RNF32: variants seen among roughly 807,000 people sequenced by gnomAD.
RNF32 encodes the protein ring finger protein 32.
In RNF32, 36 loss-of-function variants were observed where a neutral mutation model predicts 41.0. The observed-to-expected ratio is 0.88, with a 90% CI of 0.67 to 1.16. RNF32 has a LOEUF of 1.16. RNF32 is among the 50% of genes most tolerant of loss of function. The pLI, the probability that RNF32 is intolerant of heterozygous loss-of-function variation, is 0.00. For missense variants in RNF32, 413 were observed against 436.7 expected (o/e 0.95, Z 0.48); for synonymous variants, 154 against 160.9 (o/e 0.96, Z 0.32).
At chr7:156,675,969 G>A in intron 8 of RNF32, 106 bp downstream of exon 8, 1 of 1,183,592 alleles carries the variant, frequency 8.4e-7, no homozygotes, top group Non-Finnish European at 1.2e-6. Context: ...GGGGAGCCTA[G>A]GAGTGTCAGG....
chr7:156,640,264 G>A (rs1207659660), upstream of RNF32: 1 of 447,572 alleles, frequency 2.2e-6, no homozygotes. Flanking sequence ...GCGAAGGGGC[G>A]GTGCGCTCGA....
Position 156,675,773 on chromosome 7 carries a change from C to T in RNF32, c.762C>T (p.Cys254=), listed in dbSNP as rs1484399923. 6.2e-7 allele frequency: 1 copy of T among 1,614,052 alleles called. No homozygotes were observed. The part of the protein sequence containing the change: ...IEELFAEIDQ[C]LAINRSVLQQ... ...AGCTCTTTGCAGAAATCGATCAGTG[C>T]TTGGCCATAAATCGAAGTGTTCTTC... Residue 254 remains cysteine (C), a synonymous_variant, in exon 8 of 9, where the codon TGC becomes TGT. Transcript: ENST00000317955.
At chr7:156,671,191 A>G (rs1490954291) in intron 7 of RNF32, among the ~76,000 whole-genome samples, 1 of 152,224 alleles carries the variant, frequency 6.6e-6, no homozygotes, top group African/African-American at 2.4e-5. Context: ...TAAGAAACCA[A>G]TGGCAGGGCA....
intron 3 of RNF32, 87 bp from the exon 4 acceptor site, chr7:156,654,489 T>C: frequency 8.7e-7 from 1 of 1,150,510 alleles, no homozygotes; most frequent in Non-Finnish European, 1.2e-6. Flanking sequence ...CTTTAATCTT[T>C]GTTTGCAAAT....
rs142936732 is a variant in RNF32, at chr7:156,654,644, C to G, written c.343C>G (p.Gln115Glu). ...ATCAGATGAATGGGAGAAGGTGAAA[C>G]AGCGCTCTCTCCTGCAAGGGGACTC... ...LSSDEWEKVKQRSLLQGDSVQ... is the reference protein window; with the variant it reads ...LSSDEWEKVKERSLLQGDSVQ... The change falls in exon 4 of 9, where the codon CAG (glutamine) becomes GAG (glutamate). Residue 115 changes from glutamine (Q) to glutamate (E), a missense_variant. Physicochemically the swap from Gln to Glu is conservative, Grantham distance 29. Coordinates refer to ENST00000317955, the MANE Select transcript of RNF32 (RefSeq NM_030936.4). The G allele has an allele frequency of 1.2e-5, 19 of 1,613,886 alleles. No homozygotes were observed. Among genetic ancestry groups the G allele is most frequent in the Middle Eastern group, 1.6e-4 (1 of 6,084 alleles).
At chr7:156,671,149 A>T (rs1440528825) in intron 7 of RNF32, among the ~76,000 whole-genome samples, 4 of 152,244 alleles carry the variant, frequency 2.6e-5, no homozygotes, top group Admixed American at 2.6e-4. Flanking sequence ...AAAGAGAATG[A>T]ATAGAAAACT....
intron 4 of RNF32, among the ~76,000 whole-genome samples, chr7:156,655,747 A>G (rs566131909): frequency 2.8e-4 from 43 of 152,170 alleles, no homozygotes; most frequent in Admixed American, 5.9e-4. Flanking sequence ...GGTATTTTGG[A>G]CAGATTTTAG....
At chr7:156,675,664 T>A (rs778405982) in intron 7 of RNF32, 32 bp from the exon 8 acceptor site, 12 of 1,593,604 alleles carry the variant, frequency 7.5e-6, no homozygotes, top group Non-Finnish European at 1.0e-5. Flanking sequence ...CGAGCTCAGG[T>A]GTGAGCTTAC....
At position 156,670,882 on chromosome 7, in the gene RNF32, G is replaced by A. The variant is rs551012779; in HGVS notation, c.685-4814G>A. Among the ~76,000 whole-genome samples the A allele has an allele frequency of 6.6e-6, 1 of 152,354 alleles. No homozygotes were observed. On this transcript the variant is annotated intron_variant, in intron 7 of 8. Transcript: ENST00000317955. The surrounding 1 kb of genome is among the most constrained non-coding windows in gnomAD (Gnocchi z 4.3). The stretch of plus-strand genomic sequence containing the variant: ...GAAAATGGCCCCAGACGGGAAATCT[G>A]AGATGTCAGTGGTAAAAATGTGAGT...
At chr7:156,640,322 G>C (rs1200200542), upstream of RNF32, 2 of 451,022 alleles carry the variant, frequency 4.4e-6, no homozygotes, top group Non-Finnish European at 8.9e-6. Flanking sequence ...AACAACCGGG[G>C]CCCAGGCCCA....
At position 156,644,365 on chromosome 7, in the gene RNF32, C is replaced by T. The variant is rs1797728298; in HGVS notation, c.16-134C>T. Reference sequence around the variant, plus strand: ...CAAGGGTCTGCTCCTACTTAGGTAACAATGAGTCAAGCATTCCTTACTATT... The same window carrying T: ...CAAGGGTCTGCTCCTACTTAGGTAATAATGAGTCAAGCATTCCTTACTATT... On this transcript the variant is annotated intron_variant, in intron 2 of 8. Transcript: ENST00000317955. 20 of 696,282 alleles carry T rather than the reference C, an allele frequency of 2.9e-5. No individual in the cohort carries two copies. In the South Asian group the frequency reaches 3.4e-4, roughly 12 times the overall value. 43.1% of individuals were successfully genotyped at this position (696,282 alleles called of 1,614,324 possible).
At chr7:156,671,910 A>G (rs978787274) in intron 7 of RNF32, among the ~76,000 whole-genome samples, 4 of 152,232 alleles carry the variant, frequency 2.6e-5, no homozygotes, top group South Asian at 2.1e-4. Context: ...TTAATCGAAG[A>G]CAAAATTATA....
chr7:156,661,673 C>A (rs1800696941), intron 7 of RNF32, among the ~76,000 whole-genome samples: 1 of 152,174 alleles, frequency 6.6e-6, no homozygotes, highest in Non-Finnish European at 1.5e-5. Flanking sequence ...ATACAGTTAA[C>A]AGAAACGTAA....
chr7:156,675,675 C>T, intron 7 of RNF32, 21 bp from the exon 8 acceptor site: 1 of 1,589,410 alleles, frequency 6.3e-7, no homozygotes, highest in Non-Finnish European at 8.6e-7. Flanking sequence ...GTGAGCTTAC[C>T]CGCCCCCGCC....
intron 7 of RNF32, among the ~76,000 whole-genome samples, chr7:156,663,349 T>C (rs1314273039): frequency 6.6e-6 from 1 of 152,254 alleles, no homozygotes; most frequent in East Asian, 1.9e-4. Flanking sequence ...GTATATGTTA[T>C]GCATATTATA....
intron 7 of RNF32, among the ~76,000 whole-genome samples, chr7:156,675,477 T>C (rs1457718464): frequency 6.6e-6 from 1 of 152,218 alleles, no homozygotes; most frequent in Non-Finnish European, 1.5e-5. Context: ...TGGGGTAGTG[T>C]GTTCTGGACT....
chr7:156,649,779 G>A (rs1025299602), intron 3 of RNF32, among the ~76,000 whole-genome samples: 8 of 152,046 alleles, frequency 5.3e-5, no homozygotes, highest in Non-Finnish European at 1.0e-4. Context: ...ACTTGCCCAC[G>A]GTGTTTTTCA....
rs11981703 is a variant in RNF32, at chr7:156,670,660, G to C, written c.685-5036G>C. On this transcript the variant is annotated intron_variant, in intron 7 of 8. Coordinates refer to ENST00000317955, the MANE Select transcript of RNF32 (RefSeq NM_030936.4). The surrounding 1 kb of genome is among the most constrained non-coding windows in gnomAD (Gnocchi z 4.3). ...ACGATGGCAAACCCTGGGACCTGCA[G>C]ATTTCCCAGTGGGAGCGGCAGAAGG... Among the ~76,000 whole-genome samples, 2,071 of 152,296 alleles carry C rather than the reference G, an allele frequency of 0.014. 36 individuals are homozygous for C. The highest frequency in any genetic ancestry group is 0.047 in the African/African-American group (1,936 of 41,560).
Position 156,646,673 on chromosome 7 carries a change from C to T in RNF32, c.274+1916C>T, listed in dbSNP as rs577611020. ...CAATGAGAACGGAATCCTTCACTTA[C>T]ATTTGTTGTCTGGAAGACTTTTTCA... On this transcript the variant is annotated intron_variant, in intron 3 of 8. Coordinates refer to ENST00000317955, the MANE Select transcript of RNF32 (RefSeq NM_030936.4). 1.9e-4 allele frequency: 74 copies of T among 393,284 alleles called. 1 individual carries two copies. Among genetic ancestry groups the T allele is most frequent in the African/African-American group, 1.3e-3 (62 of 47,396 alleles). 24.4% of individuals were successfully genotyped at this position (393,284 alleles called of 1,614,324 possible). A position where few individuals can be genotyped will look rare whatever the true frequency, so the allele number is the denominator to read the frequency against.
Sources: allele counts gnomAD v4.1 joint callset (sites outside exome capture counted in the v4.1 genomes callset), GRCh38; gene constraint gnomAD v4.1.1; non-coding constraint Gnocchi (gnomAD v3.1); transcripts MANE v1.5; gene names NCBI Gene and HGNC (gene_info 2026-07-23, HGNC 2026-07-21).